PTPRS: variants seen among roughly 807,000 people sequenced by gnomAD.
PTPRS encodes protein tyrosine phosphatase receptor type S.
Under a neutral mutation model 215.3 loss-of-function variants are expected in PTPRS, and 63 were observed. The observed-to-expected ratio is 0.29, with a 90% CI of 0.24 to 0.36. The LOEUF (loss-of-function observed/expected upper bound fraction) is 0.36, where lower values mean the gene tolerates loss of function less well. PTPRS is among the 10% of genes least tolerant of loss of function. The pLI is 1.00. For missense variants in PTPRS, 2,258 were observed against 2,825.8 expected (o/e 0.80, Z 4.56); for synonymous variants, 1,404 against 1,191.4 (o/e 1.18, Z -3.68).
At chr19:5,208,950 C>T (rs979459781) in intron 35 of PTPRS, among the ~76,000 whole-genome samples, 1 of 152,158 alleles carries the variant, frequency 6.6e-6, no homozygotes, top group African/African-American at 2.4e-5. Flanking sequence ...CATCACTGTC[C>T]ATAGCTCATC....
At chr19:5,251,927 G>A (rs2045129531) in intron 9 of PTPRS, among the ~76,000 whole-genome samples, 1 of 152,184 alleles carries the variant, frequency 6.6e-6, no homozygotes, top group Non-Finnish European at 1.5e-5. Flanking sequence ...GGGAATACAG[G>A]AGGTGAGGGG....
rs2041504310 is a variant in PTPRS, at chr19:5,216,775, C to T, written c.4049-8G>A. 2 of 1,554,940 alleles carry T rather than the reference C, an allele frequency of 1.3e-6. No homozygotes were observed. The highest frequency in any genetic ancestry group is 1.7e-6 in the Non-Finnish European group (2 of 1,144,460). On this transcript the variant is annotated splice_region_variant and splice_polypyrimidine_tract_variant and intron_variant, in intron 25 of 37. Transcript: ENST00000262963. ...GGCTCCTGAGGCCTGAATCTGCAAA[C>T]AGCAAACAATAAATAAATGAAAACA... is the stretch of plus-strand genomic sequence containing the variant.
In PTPRS at chr19:5,231,698, A is replaced by G. The variant is rs2043032242; in HGVS notation, c.1850-83T>C. On this transcript the variant is annotated intron_variant, in intron 13 of 37. Transcript: ENST00000262963. ...GGGGGGCGGGGAAACAAAAGATGGGAAAGAGAAAATAAAAAAGAAGATGAT... is the reference window on the plus strand; with the variant it reads ...GGGGGGCGGGGAAACAAAAGATGGGGAAGAGAAAATAAAAAAGAAGATGAT... The G allele has an allele frequency of 1.3e-5, 7 of 556,558 alleles. No individual in the cohort carries two copies. In the South Asian group the frequency reaches 1.4e-4, roughly 11 times the overall value. The allele number at this position is 556,558 out of a possible 1,614,324, so 34.5% of individuals were successfully genotyped here. A position where few individuals can be genotyped will look rare whatever the true frequency, so the allele number is the denominator to read the frequency against.
chr19:5,323,561 G>C (rs954613378), intron 1 of PTPRS, among the ~76,000 whole-genome samples: 1 of 152,272 alleles, frequency 6.6e-6, no homozygotes, highest in Admixed American at 6.5e-5. Flanking sequence ...ATTCCAGGCA[G>C]AGGGCACAGA....
chr19:5,242,235 C>G (rs938689556), intron 11 of PTPRS, among the ~76,000 whole-genome samples: 2 of 152,174 alleles, frequency 1.3e-5, no homozygotes, highest in African/African-American at 4.8e-5. Flanking sequence ...GAGGAGTTAA[C>G]AGAGAAGAGG....
intron 2 of PTPRS, among the ~76,000 whole-genome samples, chr19:5,280,260 G>T (rs182487885): frequency 6.6e-6 from 1 of 152,212 alleles, no homozygotes; most frequent in African/African-American, 2.4e-5. Context: ...GGTTCCAAGG[G>T]TAGGTCCCTG....
chr19:5,307,980 T>C (rs1245096462), intron 1 of PTPRS, among the ~76,000 whole-genome samples: 4 of 152,138 alleles, frequency 2.6e-5, no homozygotes, highest in Non-Finnish European at 5.9e-5. Context: ...CTGGAAAGAT[T>C]TACAAGGTGG....
chr19:5,205,902 G>C lies in PTPRS; in HGVS notation c.*872C>G, dbSNP rs931430144. 6.6e-6 allele frequency among the ~76,000 whole-genome samples: 1 copy of C among 151,666 alleles called. No individual in the cohort carries two copies. ...AACCGCACCCAACGCCACTGGGTCC[G>C]AGCTCCCCCATGACCTTACCCTCAG... On this transcript the variant is annotated 3_prime_UTR_variant, in exon 38 of 38. Transcript: ENST00000262963.
In PTPRS at chr19:5,231,511, C is replaced by G. The variant is rs1220417036; in HGVS notation, c.1954G>C (p.Val652Leu). 1 of 1,612,356 alleles carries G rather than the reference C, an allele frequency of 6.2e-7. No homozygotes were observed. The highest frequency in any genetic ancestry group is 1.1e-5 in the South Asian group (1 of 91,054). ...GGTCGGTAGCGGACGCTGTAGCCCACCAGGGCCCCGTTGTGCGTTTCCGGC... is the reference window on the plus strand; with the variant it reads ...GGTCGGTAGCGGACGCTGTAGCCCAGCAGGGCCCCGTTGTGCGTTTCCGGC... The part of the protein sequence containing the change: ...PPPETHNGAL[V>L]GYSVRYRPLG... Residue 652 changes from valine to leucine, a missense_variant, in exon 14 of 38, where the codon GTG becomes CTG. Around this residue, in one of 6 missense-constraint regions of PTPRS, gnomAD observed 371 missense variants for 446.7 expected, o/e 0.83. Transcript: ENST00000262963.
intron 17 of PTPRS, among the ~76,000 whole-genome samples, chr19:5,225,103 C>T (rs1221392446): frequency 6.6e-6 from 1 of 152,050 alleles, no homozygotes; most frequent in Non-Finnish European, 1.5e-5. Context: ...AATTCAGCTC[C>T]ATTTTGGCTG....
At chr19:5,220,230 G>C (rs1227445563) in intron 21 of PTPRS, 30 bp downstream of exon 21, 1 of 1,611,192 alleles carries the variant, frequency 6.2e-7, no homozygotes, top group Non-Finnish European at 8.5e-7. Flanking sequence ...AATGCATCTG[G>C]GCCCTGCGGG....
intron 1 of PTPRS, among the ~76,000 whole-genome samples, chr19:5,336,445 C>T (rs2050505503): frequency 6.6e-6 from 1 of 152,108 alleles, no homozygotes; most frequent in Admixed American, 6.5e-5. Context: ...CCCCCTTCCT[C>T]AATTCAGAAT....
rs1008389050 is a variant in PTPRS, at chr19:5,274,117, C to T, written c.237+82G>A. The T allele has an allele frequency of 1.1e-5, 17 of 1,527,318 alleles. No individual in the cohort carries two copies. The South Asian group carries it at 1.7e-4, about 16-fold the overall frequency. The allele number at this position is 1,527,318 out of a possible 1,614,324, so 94.6% of individuals were successfully genotyped here. A position where few individuals can be genotyped will look rare whatever the true frequency, so the allele number is the denominator to read the frequency against. On this transcript the variant is annotated intron_variant, in intron 3 of 37. Coordinates refer to ENST00000262963, the MANE Select transcript of PTPRS (RefSeq NM_002850.4). Reference sequence around the variant, plus strand: ...ATGCTCCACCTGGGGAACGTGTCCACGAAGTCCACTGTGGCTGAGGTGCTG... The same window carrying T: ...ATGCTCCACCTGGGGAACGTGTCCATGAAGTCCACTGTGGCTGAGGTGCTG...
intron 1 of PTPRS, among the ~76,000 whole-genome samples, chr19:5,304,009 C>CA (rs1238256769): frequency 4.1e-5 from 6 of 144,886 alleles, no homozygotes; most frequent in Non-Finnish European, 7.6e-5. Context: ...CCCTCCATGC[C>CA]ATGTCAGCAT....
chr19:5,222,657 C>T (rs1040728298), intron 18 of PTPRS, 32 bp downstream of exon 18: 65 of 1,503,718 alleles, frequency 4.3e-5, no homozygotes, highest in Non-Finnish European at 5.3e-5. Flanking sequence ...AGGCCCGGTC[C>T]GGCTCTGGTG....
chr19:5,267,777 T>G (rs893363419), intron 4 of PTPRS, among the ~76,000 whole-genome samples: 1 of 139,718 alleles, frequency 7.2e-6, no homozygotes, highest in Non-Finnish European at 1.5e-5. Context: ...CGCAGTGCTG[T>G]TAAGACCAAG....
chr19:5,241,645 T>G (rs923687446), intron 11 of PTPRS, among the ~76,000 whole-genome samples: 5 of 151,894 alleles, frequency 3.3e-5, no homozygotes, highest in Non-Finnish European at 5.9e-5. Flanking sequence ...ATGGACAGAG[T>G]GCCAACCGTC....
chr19:5,218,055 C>T (rs570571308), intron 25 of PTPRS, among the ~76,000 whole-genome samples: 1 of 152,258 alleles, frequency 6.6e-6, no homozygotes, highest in South Asian at 2.1e-4. Context: ...ACTCCCACCA[C>T]CGAGGAACAT....
chr19:5,285,427 A>G (rs1281926863), intron 2 of PTPRS, among the ~76,000 whole-genome samples: 3 of 151,822 alleles, frequency 2.0e-5, no homozygotes, highest in Admixed American at 1.3e-4. Flanking sequence ...AACTATACCA[A>G]CCTCTTTCAT....
Sources: gnomAD v4.1 joint callset for allele counts (sites outside exome capture counted in the v4.1 genomes callset) on GRCh38, gnomAD v4.1.1 for gene constraint, gnomAD v4.1.1 regional missense constraint, MANE v1.5 for transcripts, NCBI Gene and HGNC (gene_info 2026-07-23, HGNC 2026-07-21) for gene names.